DOK5: variants seen among roughly 807,000 people sequenced by gnomAD.
DOK5 encodes the protein docking protein 5, also known as downstream of tyrosine kinase 5.
Under a neutral mutation model 43.3 loss-of-function variants are expected in DOK5, and 27 were observed. The ratio of observed to expected loss-of-function variants is 0.62; its 90% CI spans 0.46 to 0.86. The LOEUF (loss-of-function observed/expected upper bound fraction) is 0.86. Among genes scored for constraint, DOK5 ranks in the 40% least tolerant of loss-of-function variants. The pLI is 0.00. For missense variants in DOK5, 373 were observed against 392.9 expected (o/e 0.95, Z 0.43); for synonymous variants, 146 against 140.1 (o/e 1.04, Z -0.30).
chr20:54,602,918 G>A (rs574831843), intron 5 of DOK5, among the ~76,000 whole-genome samples: 2 of 152,188 alleles, frequency 1.3e-5, no homozygotes, highest in South Asian at 2.1e-4. Context: ...TGATCCACCC[G>A]CCTAGGCCTC....
At chr20:54,603,248 C>T (rs1986354078) in intron 5 of DOK5, among the ~76,000 whole-genome samples, 1 of 152,182 alleles carries the variant, frequency 6.6e-6, no homozygotes, top group Admixed American at 6.5e-5. Context: ...CCCTACCAGT[C>T]ATAGAAAGGG....
intron 2 of DOK5, among the ~76,000 whole-genome samples, chr20:54,585,699 A>G (rs1054007102): frequency 4.6e-5 from 7 of 152,196 alleles, no homozygotes; most frequent in African/African-American, 1.7e-4. Flanking sequence ...AGTTTGCTTC[A>G]TTTTTTAAGC....
chr20:54,567,071 G>T (rs1198170992), intron 2 of DOK5, among the ~76,000 whole-genome samples: 3 of 151,928 alleles, frequency 2.0e-5, no homozygotes, highest in Non-Finnish European at 2.9e-5. Context: ...GTGTGTGCGT[G>T]TATGTGTGTA....
chr20:54,631,940 C>T lies in DOK5; in HGVS notation c.736-11518C>T, dbSNP rs536877134. Among the ~76,000 whole-genome samples the T allele has an allele frequency of 9.2e-5, 14 of 152,304 alleles. No individual in the cohort carries two copies. The South Asian group carries it at 2.7e-3, about 29-fold the overall frequency. On this transcript the variant is annotated intron_variant, in intron 6 of 7. Transcript: ENST00000262593. ...TGAGCCAAGATTGCACCATTGCACT[C>T]CAGCCTGGCAACAGAGCAAGACTCC...
chr20:54,511,706 C>T (rs982480949), intron 1 of DOK5, among the ~76,000 whole-genome samples: 1 of 152,158 alleles, frequency 6.6e-6, no homozygotes. Flanking sequence ...AGGAATGGCT[C>T]ATTGCTGGAG....
Position 54,542,115 on chromosome 20 carries a change from C to CACACACACACAT in DOK5, c.67-12807_67-12806insTACACACACACA, listed in dbSNP as rs1568774904. Among the ~76,000 whole-genome samples, 792 of 151,662 alleles carry CACACACACACAT rather than the reference C, an allele frequency of 5.2e-3. 10 individuals carry two copies. Among genetic ancestry groups the CACACACACACAT allele is most frequent in the African/African-American group, 0.018 (737 of 41,288 alleles). On this transcript the variant is annotated intron_variant, in intron 1 of 7. Transcript: ENST00000262593. ...ATTATAAGATACACACACACACACA[C>CACACACACACAT]ACACACACACACACACACACACACG...
chr20:54,561,419 T>C (rs571298842), intron 2 of DOK5, among the ~76,000 whole-genome samples: 10 of 152,298 alleles, frequency 6.6e-5, no homozygotes, highest in Non-Finnish European at 7.3e-5. Context: ...AGAAGACACA[T>C]ACCCTTCTTC....
At chr20:54,574,175 C>G (rs886228323) in intron 2 of DOK5, among the ~76,000 whole-genome samples, 3 of 152,096 alleles carry the variant, frequency 2.0e-5, no homozygotes, top group African/African-American at 7.2e-5. Context: ...TTTGAAGGCC[C>G]AGCTAATGAT....
chr20:54,482,975 G>A (rs148643111), intron 1 of DOK5, among the ~76,000 whole-genome samples: 1 of 152,216 alleles, frequency 6.6e-6, no homozygotes, highest in East Asian at 1.9e-4. Flanking sequence ...ATATATACAT[G>A]CATCAGCTGG....
At chr20:54,476,826 C>T (rs1378295639) in intron 1 of DOK5, among the ~76,000 whole-genome samples, 2 of 152,146 alleles carry the variant, frequency 1.3e-5, no homozygotes, top group East Asian at 1.9e-4. Flanking sequence ...CTTGGCTCTT[C>T]GCTGGAGGAG....
intron 1 of DOK5, among the ~76,000 whole-genome samples, chr20:54,539,265 C>T (rs1371614497): frequency 1.3e-4 from 15 of 113,480 alleles, no homozygotes; most frequent in Middle Eastern, 0.01. Flanking sequence ...GGCAACAGAG[C>T]GAGGCTCCAT....
At chr20:54,645,525 C>A (rs886420117) in intron 7 of DOK5, among the ~76,000 whole-genome samples, 1 of 152,072 alleles carries the variant, frequency 6.6e-6, no homozygotes, top group African/African-American at 2.4e-5. Context: ...CTGTATGCTG[C>A]GCCCGTCCCT....
intron 1 of DOK5, among the ~76,000 whole-genome samples, chr20:54,551,218 A>C (rs746824873): frequency 6.6e-6 from 1 of 152,186 alleles, no homozygotes; most frequent in Non-Finnish European, 1.5e-5. Flanking sequence ...ATGTCTGTTC[A>C]TGACTTTTGC....
intron 7 of DOK5, among the ~76,000 whole-genome samples, chr20:54,645,423 C>T (rs957605027): frequency 8.0e-5 from 12 of 150,744 alleles, no homozygotes; most frequent in Non-Finnish European, 1.6e-4. Context: ...GCTCTGAACC[C>T]TCAGTCCTCC....
At chr20:54,640,602 C>T (rs1033734055) in intron 6 of DOK5, among the ~76,000 whole-genome samples, 1 of 152,166 alleles carries the variant, frequency 6.6e-6, no homozygotes, top group African/African-American at 2.4e-5. Context: ...CTAGAGAGCC[C>T]GGCTTTGTAC....
intron 1 of DOK5, among the ~76,000 whole-genome samples, chr20:54,529,535 G>A (rs1014327529): frequency 7.2e-6 from 1 of 138,860 alleles, no homozygotes; most frequent in Non-Finnish European, 1.5e-5. Context: ...GTTTATAAGG[G>A]TGACTTTAAA....
intron 6 of DOK5, among the ~76,000 whole-genome samples, chr20:54,614,966 C>A (rs1174707374): frequency 1.3e-5 from 2 of 152,216 alleles, no homozygotes; most frequent in East Asian, 3.8e-4. Context: ...TGGCTACATT[C>A]CCCACTAGGA....
At chr20:54,602,123 G>T (rs986009413) in intron 5 of DOK5, among the ~76,000 whole-genome samples, 1 of 152,140 alleles carries the variant, frequency 6.6e-6, no homozygotes. Context: ...AAAGAGTCCT[G>T]TTCTCTTTGG....
intron 5 of DOK5, among the ~76,000 whole-genome samples, chr20:54,605,634 G>T (rs961219484): frequency 6.6e-6 from 1 of 152,244 alleles, no homozygotes; most frequent in Non-Finnish European, 1.5e-5. Context: ...TGAATTCTCA[G>T]TGTCAGTAAA....
Sources: gnomAD v4.1 joint callset for allele counts (sites outside exome capture counted in the v4.1 genomes callset) on GRCh38, gnomAD v4.1.1 for gene constraint, MANE v1.5 for transcripts, NCBI Gene and HGNC (gene_info 2026-07-23, HGNC 2026-07-21) for gene names.